Variants in LEKR1 observed in about 807,000 individuals in gnomAD.
The protein encoded by LEKR1 is leucine, glutamate and lysine rich 1.
In LEKR1, 59 loss-of-function variants were observed where a neutral mutation model predicts 72.4. That is an observed-to-expected ratio of 0.82 (90% CI 0.66 to 1.01). LEKR1 has a LOEUF of 1.01. Ranked by LOEUF, LEKR1 falls within the 50% of genes least tolerant of loss-of-function variation. LEKR1 has a pLI of 0.00. For synonymous variants in LEKR1, 257 were observed against 263.2 expected (o/e 0.98, Z 0.23); for missense variants, 728 against 759.2 (o/e 0.96, Z 0.48).
intron 6 of LEKR1, among the ~76,000 whole-genome samples, chr3:156,946,621 C>T (rs1168004499): frequency 2.0e-5 from 3 of 151,300 alleles, no homozygotes; most frequent in African/African-American, 7.3e-5. Context: ...TCCTTCTATA[C>T]CCAGTTTTTT....
chr3:156,848,272 T>C, intron 2 of LEKR1, among the ~76,000 whole-genome samples: 1 of 152,220 alleles, frequency 6.6e-6, no homozygotes, highest in East Asian at 1.9e-4. Context: ...CTTGGTTATG[T>C]CTGAAGACAT....
chr3:156,925,987 T>G (rs778021292), intron 4 of LEKR1, among the ~76,000 whole-genome samples: 1 of 152,042 alleles, frequency 6.6e-6, no homozygotes. Context: ...AATTAGGCAA[T>G]AGAAATTATT....
chr3:156,868,755 A>T (rs6765353), intron 3 of LEKR1, among the ~76,000 whole-genome samples: 4 of 152,022 alleles, frequency 2.6e-5, no homozygotes. Context: ...AACTAGAGTC[A>T]CCTAACTCTG....
rs116748820 is a variant in LEKR1 at position 156,984,092 on chromosome 3, G to A, written c.827+4817G>A. Reference sequence around the variant, plus strand: ...ACAGACGGTTATGGCAGGCTATTAGGAATTCGGGAGATTAGAAATATCAGA... The same window carrying A: ...ACAGACGGTTATGGCAGGCTATTAGAAATTCGGGAGATTAGAAATATCAGA... On this transcript the variant is annotated intron_variant, in intron 7 of 12. Transcript: ENST00000356539. Among the ~76,000 whole-genome samples the A allele has an allele frequency of 1.7e-3, 266 of 152,264 alleles. 1 individual carries two copies. Among genetic ancestry groups the A allele is most frequent in the Non-Finnish European group, 3.1e-3 (213 of 68,016 alleles).
intron 2 of LEKR1, among the ~76,000 whole-genome samples, chr3:156,834,603 A>G (rs1281913027): frequency 2.6e-5 from 4 of 152,200 alleles, no homozygotes; most frequent in Admixed American, 2.0e-4. Flanking sequence ...AATTTTAACC[A>G]TGTATCAGAT....
chr3:156,915,364 CCCA>C (rs2108570324), intron 3 of LEKR1, among the ~76,000 whole-genome samples: 1 of 152,144 alleles, frequency 6.6e-6, no homozygotes, highest in African/African-American at 2.4e-5. Context: ...AATTTACACT[CCCA>C]CCAAGAGTGT....
chr3:156,897,953 C>CA (rs553211208), intron 3 of LEKR1, among the ~76,000 whole-genome samples: 13,967 of 94,632 alleles, frequency 0.15, 732 homozygotes, highest in African/African-American at 0.18. Flanking sequence ...ACTCTGTCTC[C>CA]AAAAAAAAAA....
At chr3:156,964,220 T>C (rs761186513) in intron 6 of LEKR1, among the ~76,000 whole-genome samples, 4 of 152,162 alleles carry the variant, frequency 2.6e-5, no homozygotes, top group African/African-American at 7.2e-5. Context: ...TGTTTGAATA[T>C]ATAGTTTTAT....
At chr3:156,982,538 A>G (rs1006814727) in intron 7 of LEKR1, among the ~76,000 whole-genome samples, 1 of 152,204 alleles carries the variant, frequency 6.6e-6, no homozygotes, top group African/African-American at 2.4e-5. Context: ...ACCTTAGACC[A>G]AGCAAGATTT....
chr3:156,999,326 T>A (rs1018526971), intron 9 of LEKR1, among the ~76,000 whole-genome samples: 5 of 152,170 alleles, frequency 3.3e-5, no homozygotes, highest in Non-Finnish European at 5.9e-5. Flanking sequence ...TTTTCAAATA[T>A]ATGGCAGGAC....
intron 6 of LEKR1, among the ~76,000 whole-genome samples, chr3:156,962,813 T>C (rs1259588118): frequency 1.3e-5 from 2 of 152,190 alleles, no homozygotes; most frequent in African/African-American, 4.8e-5. Flanking sequence ...GTTCATTCTC[T>C]AGTCATTTTT....
At chr3:156,997,191 T>C (rs1484316199) in intron 9 of LEKR1, among the ~76,000 whole-genome samples, 3 of 152,224 alleles carry the variant, frequency 2.0e-5, no homozygotes, top group Non-Finnish European at 4.4e-5. Context: ...GTCTCTTTTC[T>C]AGCTCTGTTT....
intron 6 of LEKR1, among the ~76,000 whole-genome samples, chr3:156,976,956 G>A (rs915973240): frequency 2.6e-5 from 4 of 152,078 alleles, no homozygotes; most frequent in South Asian, 4.2e-4. Flanking sequence ...TTTCAGACCC[G>A]GGAAGGCTTA....
chr3:156,838,238 G>T (rs549998133), intron 2 of LEKR1, among the ~76,000 whole-genome samples: 1 of 152,150 alleles, frequency 6.6e-6, no homozygotes, highest in Non-Finnish European at 1.5e-5. Flanking sequence ...GTTGAACTTT[G>T]TTCATGGCTC....
At chr3:157,018,801 G>T (rs1733588076) in intron 10 of LEKR1, among the ~76,000 whole-genome samples, 1 of 152,130 alleles carries the variant, frequency 6.6e-6, no homozygotes. Flanking sequence ...TCTTAGAGTT[G>T]TAAGAATTAA....
At chr3:156,913,809 G>GA (rs1352425768) in intron 3 of LEKR1, among the ~76,000 whole-genome samples, 3 of 152,128 alleles carry the variant, frequency 2.0e-5, no homozygotes, top group Admixed American at 1.3e-4. Flanking sequence ...GATCATCCCA[G>GA]AATAAATCTT....
At chr3:157,020,732 T>C (rs1733768419) in intron 10 of LEKR1, among the ~76,000 whole-genome samples, 2 of 152,074 alleles carry the variant, frequency 1.3e-5, no homozygotes, top group African/African-American at 4.8e-5. Flanking sequence ...AATGCCGCAG[T>C]AAACATACGT....
At chr3:157,002,065 A>C (rs1010966417) in intron 9 of LEKR1, among the ~76,000 whole-genome samples, 8 of 152,066 alleles carry the variant, frequency 5.3e-5, no homozygotes, top group African/African-American at 1.9e-4. Flanking sequence ...TACAATGAGA[A>C]CTCCTGGATT....
At chr3:157,043,673 C>T (rs561667823) in intron 12 of LEKR1, among the ~76,000 whole-genome samples, 2 of 152,272 alleles carry the variant, frequency 1.3e-5, no homozygotes, top group South Asian at 4.1e-4. Context: ...AATAAGATGA[C>T]ACCTAACATG....
Sources: allele counts gnomAD v4.1 joint callset (sites outside exome capture counted in the v4.1 genomes callset), GRCh38; gene constraint gnomAD v4.1.1; transcripts MANE v1.5; gene names NCBI Gene and HGNC (gene_info 2026-07-23, HGNC 2026-07-21).